Variants in NENF observed in about 807,000 individuals in gnomAD.
NENF encodes the protein neudesin neurotrophic factor, also known as neudesin.
In NENF, 6 loss-of-function variants were observed where a neutral mutation model predicts 14.8. The ratio of observed to expected loss-of-function variants is 0.40; its 90% CI spans 0.22 to 0.80. The LOEUF (loss-of-function observed/expected upper bound fraction) is 0.80, where lower values mean the gene tolerates loss of function less well. Among genes scored for constraint, NENF ranks in the 30% least tolerant of loss-of-function variants. The pLI is 0.34. For synonymous variants in NENF, 76 were observed against 95.1 expected, an observed-to-expected ratio of 0.80 and a Z score of 1.17; for missense variants, 184 against 212.7, an observed-to-expected ratio of 0.87 and a Z score of 0.84.
Position 212,435,959 on chromosome 1 carries a change from CAAAAG to C in NENF, c.177+2843_177+2847del, listed in dbSNP as rs1662595467. ...AATTCTTACAGTAATGTAAGCTAGA[CAAAAG>C]AAAGTGTTACTAAGAAAATCATAAA... On this transcript the variant is annotated intron_variant, in intron 1 of 3. Transcript: ENST00000366988. Among the ~76,000 whole-genome samples, 3 of 152,050 alleles carry C rather than the reference CAAAAG, an allele frequency of 2.0e-5. No homozygotes were observed. In the South Asian group the frequency reaches 6.2e-4, roughly 32 times the overall value.
intron 3 of NENF, among the ~76,000 whole-genome samples, chr1:212,445,214 C>T (rs1440942967): frequency 1.3e-5 from 2 of 151,548 alleles, no homozygotes; most frequent in Non-Finnish European, 1.5e-5. Context: ...GAGATCATGC[C>T]ACTGTGCTCC....
chr1:212,443,210 A>T (rs1034914132), intron 2 of NENF, among the ~76,000 whole-genome samples: 1 of 152,232 alleles, frequency 6.6e-6, no homozygotes, highest in Non-Finnish European at 1.5e-5. Context: ...TGAAGCAATG[A>T]GAGAAGTGTT....
chr1:212,435,784 A>C (rs149581750), intron 1 of NENF, among the ~76,000 whole-genome samples: 4 of 151,260 alleles, frequency 2.6e-5, no homozygotes, highest in Middle Eastern at 6.8e-3. Context: ...GGCTCAAGCA[A>C]CTCTTCCACC....
chr1:212,437,045 G>A (rs1471643080), intron 1 of NENF, among the ~76,000 whole-genome samples: 1 of 152,070 alleles, frequency 6.6e-6, no homozygotes, highest in East Asian at 1.9e-4. Flanking sequence ...AGCACCGTAA[G>A]TCTTAATAAA....
chr1:212,434,251 G>T (rs769050617), intron 1 of NENF, among the ~76,000 whole-genome samples: 6 of 152,130 alleles, frequency 3.9e-5, no homozygotes, highest in Admixed American at 6.5e-5. Context: ...GAACCAGATG[G>T]TTCAGAGTCC....
intron 1 of NENF, among the ~76,000 whole-genome samples, chr1:212,437,825 A>C (rs1053675037): frequency 2.6e-5 from 4 of 152,138 alleles, no homozygotes; most frequent in African/African-American, 9.7e-5. Flanking sequence ...GGAATAGAAA[A>C]ATCTTTGGTA....
intron 1 of NENF, among the ~76,000 whole-genome samples, chr1:212,437,040 C>T (rs1005921799): frequency 3.3e-5 from 5 of 152,118 alleles, no homozygotes; most frequent in South Asian, 2.1e-4. Flanking sequence ...GGCTTAGCAC[C>T]GTAAGTCTTA....
chr1:212,444,513 CTTTTCGTGTGTGT>C, intron 3 of NENF, 71 bp downstream of exon 3: 1 of 949,538 alleles, frequency 1.1e-6, no homozygotes, highest in Non-Finnish European at 1.5e-6. Flanking sequence ...TTTTCTTTTT[CTTTTCGTGTGTGT>C]GTGTGTGTGT....
Position 212,433,077 on chromosome 1 carries a change from G to A in NENF, c.134G>A (p.Arg45Gln), listed in dbSNP as rs1310712800. The A allele has an allele frequency of 8.4e-7, 1 of 1,196,542 alleles. No homozygotes were observed. The highest frequency in any genetic ancestry group is 1.0e-6 in the Non-Finnish European group (1 of 964,800). The allele number at this position is 1,196,542 out of a possible 1,614,324, so 74.1% of individuals were successfully genotyped here. The change falls in exon 1 of 4, where the codon CGG (arginine) becomes CAG (glutamine). Residue 45 changes from arginine (R) to glutamine (Q), a missense_variant. Transcript: ENST00000366988. This position sits in a 1 kb window ranked among gnomAD's most constrained non-coding sequence, Gnocchi z 5.5. ...PRPAERGPPV[R>Q]LFTEEELARY... ...CCTGCCGAGCGGGGGCCCCCAGTGC[G>A]GCTTTTCACCGAGGAGGAGCTGGCC...
rs1280813529 is a variant in NENF, at chr1:212,444,440, A to G, written c.340A>G (p.Thr114Ala). The part of the protein sequence containing the change: ...SLDPADLTHD[T>A]TGLTAKELEA... ...GGATCCTGCAGACCTCACCCATGAC[A>G]CTGTGAGCCAGATTATAAGCCTTTG... The change falls in exon 3 of 4, where the codon ACT becomes GCT. Residue 114 changes from threonine (T) to alanine (A), a missense_variant and splice_region_variant. Thr to Ala is a moderately conservative substitution (Grantham distance 58). Transcript: ENST00000366988. 2.5e-6 allele frequency: 4 copies of G among 1,590,212 alleles called. No homozygotes were observed. The highest frequency in any genetic ancestry group is 3.4e-6 in the Non-Finnish European group (4 of 1,167,420).
chr1:212,441,058 G>T (rs1662691581), intron 1 of NENF, among the ~76,000 whole-genome samples: 1 of 152,084 alleles, frequency 6.6e-6, no homozygotes, highest in Admixed American at 6.6e-5. Flanking sequence ...GAAAAGTCAT[G>T]CCATCCTTTT....
intron 1 of NENF, among the ~76,000 whole-genome samples, chr1:212,441,226 A>T (rs1157996208): frequency 6.6e-6 from 1 of 152,214 alleles, no homozygotes. Context: ...GGACAAACTA[A>T]TAAAATATAA....
Position 212,437,919 on chromosome 1 carries a change from C to T in NENF, c.178-4646C>T, listed in dbSNP as rs369203059. Among the ~76,000 whole-genome samples the T allele has an allele frequency of 2.6e-4, 39 of 152,152 alleles. 1 individual carries two copies. Among genetic ancestry groups the T allele is most frequent in the African/African-American group, 6.7e-4 (28 of 41,496 alleles). ...CTGTAGTCCCAGCAGTTTGGGAGGC[C>T]GAGCTGGAAAGATCGCTTAAGCCCA... On this transcript the variant is annotated intron_variant, in intron 1 of 3. Coordinates refer to ENST00000366988, the MANE Select transcript of NENF (RefSeq NM_013349.5).
Position 212,433,044 on chromosome 1 carries a change from C to G in NENF, c.101C>G (p.Thr34Arg). The G allele has an allele frequency of 8.4e-7, 1 of 1,188,052 alleles. No individual in the cohort carries two copies. The highest frequency in any genetic ancestry group is 1.0e-6 in the Non-Finnish European group (1 of 959,562). 73.6% of individuals were successfully genotyped at this position (1,188,052 alleles called of 1,614,324 possible). A position where few individuals can be genotyped will look rare whatever the true frequency, so the allele number is the denominator to read the frequency against. Reference sequence around the variant, plus strand: ...CTGCCCACAGCCCGGGCCGGGCAGACACCGCGCCCTGCCGAGCGGGGGCCC... The same window carrying G: ...CTGCCCACAGCCCGGGCCGGGCAGAGACCGCGCCCTGCCGAGCGGGGGCCC... ...PGLPTARAGQ[T>R]PRPAERGPPV... Residue 34 changes from threonine to arginine, a missense_variant, in exon 1 of 4, where the codon ACA becomes AGA. Thr to Arg is a moderately conservative substitution (Grantham distance 71). Transcript: ENST00000366988. The surrounding 1 kb of genome is among the most constrained non-coding windows in gnomAD (Gnocchi z 5.5).
chr1:212,444,252 G>T, intron 2 of NENF, 87 bp from the exon 3 acceptor site: 1 of 768,636 alleles, frequency 1.3e-6, no homozygotes, highest in South Asian at 2.4e-5. Context: ...GATTGGGTGC[G>T]GGCCTTGGGA....
chr1:212,444,452 A>G lies in NENF; in HGVS notation c.342+10A>G. The G allele has an allele frequency of 3.8e-6, 6 of 1,567,138 alleles. No homozygotes were observed. The highest frequency in any genetic ancestry group is 5.2e-6 in the Non-Finnish European group (6 of 1,155,212). ...CCTCACCCATGACACTGTGAGCCAG[A>G]TTATAAGCCTTTGTAAAATCCTCTA... On this transcript the variant is annotated intron_variant, in intron 3 of 3. Coordinates refer to ENST00000366988, the MANE Select transcript of NENF (RefSeq NM_013349.5).
In NENF at chr1:212,444,321, C is replaced by T; in HGVS notation, c.239-18C>T. On this transcript the variant is annotated intron_variant, in intron 2 of 3. Transcript: ENST00000366988. ...ATGTAAACCCACGCTTACGTCTCTT[C>T]CTTCCTTCCCACTACAGAGTTTTAT... is the stretch of plus-strand genomic sequence containing the variant. 6.5e-7 allele frequency: 1 copy of T among 1,539,142 alleles called. No individual in the cohort carries two copies. Among genetic ancestry groups the T allele is most frequent in the East Asian group, 2.3e-5 (1 of 43,098 alleles).
intron 1 of NENF, among the ~76,000 whole-genome samples, chr1:212,441,834 T>C (rs940198450): frequency 1.3e-5 from 2 of 152,176 alleles, no homozygotes; most frequent in African/African-American, 4.8e-5. Context: ...ACAGTCATTT[T>C]GGTGGAAATG....
At chr1:212,435,510 A>G (rs915402980) in intron 1 of NENF, among the ~76,000 whole-genome samples, 32 of 149,834 alleles carry the variant, frequency 2.1e-4, no homozygotes, top group Non-Finnish European at 3.0e-5. Flanking sequence ...CCAGCCATGT[A>G]TAACTTTTGA....
Sources: allele counts gnomAD v4.1 joint callset (sites outside exome capture counted in the v4.1 genomes callset), GRCh38; gene constraint gnomAD v4.1.1; non-coding constraint Gnocchi (gnomAD v3.1); transcripts MANE v1.5; gene names NCBI Gene and HGNC (gene_info 2026-07-23, HGNC 2026-07-21).